The following KRIT1 variants were observed in gnomAD, a reference collection of about 807,000 sequenced individuals.
KRIT1 encodes the protein krev interaction trapped protein 1.
In KRIT1, 45 loss-of-function variants were observed where a neutral mutation model predicts 95.8. The ratio of observed to expected loss-of-function variants is 0.47; its 90% CI spans 0.37 to 0.60. The LOEUF is 0.60. Among genes scored for constraint, KRIT1 ranks in the 20% least tolerant of loss-of-function variants. KRIT1 has a pLI of 0.00. For synonymous variants in KRIT1, 282 were observed against 278.8 expected, an observed-to-expected ratio of 1.01 and a Z score of -0.11; for missense variants, 788 against 877.5, an observed-to-expected ratio of 0.90 and a Z score of 1.29.
Position 92,245,165 on chromosome 7 carries a change from C to A in KRIT1, c.-414G>T, listed in dbSNP as rs773559749. On this transcript the variant is annotated 5_prime_UTR_variant, in exon 2 of 19. Transcript: ENST00000394505. ...AACATGTAGAAAAAGCGATGAAAGC[C>A]AAAAACCTTAAAAGGTGGAGAAAAG... The A allele has an allele frequency of 5.3e-5, 8 of 151,634 alleles. No homozygotes were observed. The highest frequency in any genetic ancestry group is 8.8e-5 in the Non-Finnish European group (6 of 67,956). 9.4% of individuals were successfully genotyped at this position (151,634 alleles called of 1,614,324 possible).
intron 10 of KRIT1, among the ~76,000 whole-genome samples, chr7:92,229,450 GA>G (rs1554520828): frequency 6.6e-6 from 1 of 151,830 alleles, no homozygotes; most frequent in African/African-American, 2.4e-5. Context: ...AAATTTACAA[GA>G]AAAAACCACC....
At chr7:92,221,263 C>A (rs1173284765) in intron 14 of KRIT1, among the ~76,000 whole-genome samples, 2 of 151,996 alleles carry the variant, frequency 1.3e-5, no homozygotes, top group African/African-American at 4.8e-5. Context: ...TGGCAAAACC[C>A]CGTCTCCGCT....
chr7:92,212,544 A>G (rs887620881), intron 17 of KRIT1, among the ~76,000 whole-genome samples: 3 of 152,212 alleles, frequency 2.0e-5, no homozygotes, highest in Non-Finnish European at 2.9e-5. Flanking sequence ...GGACCCCAAG[A>G]TAACTCCCTC....
chr7:92,221,190 C>A (rs1795067454), intron 14 of KRIT1, among the ~76,000 whole-genome samples: 1 of 152,076 alleles, frequency 6.6e-6, no homozygotes, highest in Non-Finnish European at 1.5e-5. Context: ...AATCCCAGCC[C>A]TTTGGGAGGC....
rs202120786 is a variant in KRIT1 at position 92,213,232 on chromosome 7, T to C, written c.1988A>G (p.Asn663Ser). The C allele has an allele frequency of 6.6e-5, 107 of 1,613,210 alleles. 1 individual carries two copies. Among genetic ancestry groups the C allele is most frequent in the South Asian group, 4.8e-4 (44 of 91,068 alleles). Residue 663 changes from asparagine (N) to serine (S), a missense_variant, in exon 17 of 19, where the codon AAT (asparagine) becomes AGT (serine). Physicochemically the swap from Asn to Ser is conservative, Grantham distance 46. Around this residue, in one of 3 missense-constraint regions of KRIT1, gnomAD observed 493 missense variants for 582.3 expected, o/e 0.85. Coordinates refer to ENST00000394505, the MANE Select transcript of KRIT1 (RefSeq NM_194454.3). ...GTTGAGGAGATGAAGTCCTTTTATA[T>C]TCACTCCTACATACACAGGGATGAC... is the stretch of plus-strand genomic sequence containing the variant. The part of the protein sequence containing the change: ...HKVIPVYVGV[N>S]IKGLHLLNME...
Position 92,241,149 on chromosome 7 carries a change from A to G in KRIT1, c.106T>C (p.Leu36=), listed in dbSNP as rs1041666983. The G allele has an allele frequency of 1.9e-6, 3 of 1,603,928 alleles. No homozygotes were observed. The African/African-American group carries it at 4.0e-5, about 21-fold the overall frequency. Reference sequence around the variant, plus strand: ...CCTTCAATGGGAACTTCATGCAACAAAATCTTAGATGAGAAAAACATTAAG... The same window carrying G: ...CCTTCAATGGGAACTTCATGCAACAGAATCTTAGATGAGAAAAACATTAAG... ...REYRAKSYEI[L]LHEVPIEGQK... is the part of the protein sequence containing the mutation. The change falls in exon 5 of 19, where the codon TTG becomes CTG. Residue 36 remains leucine, a synonymous_variant. Transcript: ENST00000394505.
intron 5 of KRIT1, among the ~76,000 whole-genome samples, chr7:92,239,856 G>A (rs1485675951): frequency 5.9e-5 from 9 of 151,778 alleles, no homozygotes; most frequent in South Asian, 2.1e-4. Flanking sequence ...GACTATAGGC[G>A]TGTACCACCA....
chr7:92,237,539 T>C (rs1319251481), intron 6 of KRIT1, 128 bp downstream of exon 6: 2 of 442,186 alleles, frequency 4.5e-6, no homozygotes, highest in Admixed American at 3.9e-5. Context: ...TTCCCTTCTA[T>C]TAATTTTAAA....
intron 16 of KRIT1, 108 bp from the exon 17 acceptor site, chr7:92,213,509 T>A: frequency 1.4e-6 from 1 of 724,546 alleles, no homozygotes; most frequent in Non-Finnish European, 2.3e-6. Context: ...AGATTGCCCC[T>A]AAAGAATAAA....
chr7:92,222,015 C>T lies in KRIT1; in HGVS notation c.1450G>A (p.Val484Ile). 6.2e-7 allele frequency: 1 copy of T among 1,613,644 alleles called. No individual in the cohort carries two copies. The highest frequency in any genetic ancestry group is 1.1e-5 in the South Asian group (1 of 91,066). Residue 484 changes from valine to isoleucine, a missense_variant, in exon 14 of 19, where the codon GTT (valine) becomes ATT (isoleucine). By Grantham distance (29) the Val-to-Ile change is conservative (BLOSUM62 3). This residue lies in a region of KRIT1 where 493 missense variants were observed against 582.3 expected (regional missense o/e 0.85). Transcript: ENST00000394505. ...GCAAGTATTTCTGGCCAGTCACGAACATGTTGCAAGGGTTTATGATATGGT... is the reference window on the plus strand; with the variant it reads ...GCAAGTATTTCTGGCCAGTCACGAATATGTTGCAAGGGTTTATGATATGGT... ...LKPYHKPLQH[V>I]RDWPEILAEL...
rs1057346173 is a variant in KRIT1, at chr7:92,200,505, C to T, written c.*231G>A. The T allele has an allele frequency of 1.2e-5, 6 of 480,926 alleles. No individual in the cohort carries two copies. Among genetic ancestry groups the T allele is most frequent in the Non-Finnish European group, 2.3e-5 (6 of 263,840 alleles). The allele number at this position is 480,926 out of a possible 1,614,324, so 29.8% of individuals were successfully genotyped here. On this transcript the variant is annotated 3_prime_UTR_variant, in exon 19 of 19. Coordinates refer to ENST00000394505, the MANE Select transcript of KRIT1 (RefSeq NM_194454.3). Reference sequence around the variant, plus strand: ...AGTAGCTAGGATTATAGGCGCCCGCCACCACACCCAGCTAATTTTTGTATT... The same window carrying T: ...AGTAGCTAGGATTATAGGCGCCCGCTACCACACCCAGCTAATTTTTGTATT...
chr7:92,236,372 T>A (rs1288978727), intron 7 of KRIT1, 41 bp downstream of exon 7: 2 of 1,351,184 alleles, frequency 1.5e-6, no homozygotes, highest in Non-Finnish European at 2.1e-6. Context: ...TATAAACATG[T>A]ATTTGATTAA....
chr7:92,242,307 A>G, intron 3 of KRIT1, 170 bp from the exon 4 acceptor site: 1 of 594,750 alleles, frequency 1.7e-6, no homozygotes, highest in South Asian at 2.1e-5. Context: ...AGTGCCTAAA[A>G]GGCAAGCCAG....
intron 5 of KRIT1, among the ~76,000 whole-genome samples, chr7:92,239,780 G>T (rs1799225995): frequency 7.0e-6 from 1 of 142,126 alleles, no homozygotes; most frequent in Non-Finnish European, 1.5e-5. Context: ...GCACAATCTT[G>T]GCTCACTGTA....
rs1398780014 is a variant in KRIT1, at chr7:92,245,796, T to G, written c.-427A>C. On this transcript the variant is annotated 5_prime_UTR_variant, in exon 1 of 19. Coordinates refer to ENST00000394505, the MANE Select transcript of KRIT1 (RefSeq NM_194454.3). ...CGGAGACCCTCCTGCCCACCTGCTC[T>G]TTACTGTCCTTCCCTCTCCTCGCAC... 6.3e-6 allele frequency: 1 copy of G among 157,952 alleles called. No homozygotes were observed. The highest frequency in any genetic ancestry group is 1.4e-5 in the Non-Finnish European group (1 of 72,056). The allele number at this position is 157,952 out of a possible 1,614,324, so 9.8% of individuals were successfully genotyped here.
At chr7:92,234,377 G>T in intron 10 of KRIT1, 72 bp downstream of exon 10, 1 of 1,199,098 alleles carries the variant, frequency 8.3e-7, no homozygotes, top group Non-Finnish European at 1.2e-6. Flanking sequence ...GAACAGTCTT[G>T]AAAAGAAGGA....
At chr7:92,240,710 TAAGTA>T in intron 5 of KRIT1, 4 of 388,874 alleles carry the variant, frequency 1.0e-5, no homozygotes, top group South Asian at 8.8e-5. Context: ...CCTCTGTCAT[TAAGTA>T]AAGAAATAGG....
chr7:92,210,434 A>C lies in KRIT1; in HGVS notation c.2025+2761T>G, dbSNP rs371646649. Among the ~76,000 whole-genome samples, 4 of 152,326 alleles carry C rather than the reference A, an allele frequency of 2.6e-5. 1 individual carries two copies. On this transcript the variant is annotated intron_variant, in intron 17 of 18. Coordinates refer to ENST00000394505, the MANE Select transcript of KRIT1 (RefSeq NM_194454.3). Reference sequence around the variant, plus strand: ...GGTGCCAAGAACAAACATTGGGGAAAAAAACACCCTGTTCAATAAATGGTG... The same window carrying C: ...GGTGCCAAGAACAAACATTGGGGAACAAAACACCCTGTTCAATAAATGGTG...
Position 92,222,977 on chromosome 7 carries a change from T to C in KRIT1, c.1256A>G (p.Tyr419Cys). The C allele has an allele frequency of 6.2e-6, 10 of 1,601,826 alleles. No individual in the cohort carries two copies. Among genetic ancestry groups the C allele is most frequent in the Middle Eastern group, 3.3e-4 (2 of 6,032 alleles). The change falls in exon 13 of 19, where the codon TAT becomes TGT. Residue 419 changes from tyrosine (Y) to cysteine (C), a missense_variant and splice_region_variant. Tyr to Cys is a radical substitution (Grantham distance 194). Coordinates refer to ENST00000394505, the MANE Select transcript of KRIT1 (RefSeq NM_194454.3). ...CATTCTGTATATTCGAACTTTTTCA[T>C]ACTACAAGAAACGATAACTTACGTA... ...KLLKEAINKP[Y>C]EKVRIYRMDG...
Sources: allele counts gnomAD v4.1 joint callset (sites outside exome capture counted in the v4.1 genomes callset), GRCh38; gene constraint gnomAD v4.1.1; regional missense constraint gnomAD v4.1.1; transcripts MANE v1.5; gene names NCBI Gene and HGNC (gene_info 2026-07-23, HGNC 2026-07-21).